ZMYND8: variants seen among roughly 807,000 people sequenced by gnomAD.
ZMYND8 encodes zinc finger MYND-type containing 8.
Under a neutral mutation model 140.8 loss-of-function variants are expected in ZMYND8, and 37 were observed. The ratio of observed to expected loss-of-function variants is 0.26; its 90% CI spans 0.20 to 0.35. The LOEUF (loss-of-function observed/expected upper bound fraction) is 0.35, where lower values mean the gene tolerates loss of function less well. Ranked by LOEUF, ZMYND8 falls within the 10% of genes least tolerant of loss-of-function variation. The probability of loss-of-function intolerance (pLI) is 1.00; values close to 1 mark genes in which losing one functional copy is unlikely to be tolerated. For synonymous variants in ZMYND8, 592 were observed against 597.1 expected, an observed-to-expected ratio of 0.99 and a Z score of 0.12; for missense variants, 1,068 against 1,570.0, an observed-to-expected ratio of 0.68 and a Z score of 5.40.
intron 3 of ZMYND8, among the ~76,000 whole-genome samples, chr20:47,300,481 C>T (rs371483274): frequency 2.0e-5 from 3 of 152,180 alleles, no homozygotes; most frequent in African/African-American, 7.2e-5. Context: ...ATTTACTAAA[C>T]GGTTATCATT....
At chr20:47,332,620 G>C (rs902374360) in intron 2 of ZMYND8, among the ~76,000 whole-genome samples, 1 of 152,136 alleles carries the variant, frequency 6.6e-6, no homozygotes, top group African/African-American at 2.4e-5. Context: ...TGAGATGGGA[G>C]GATTGCTTGA....
intron 2 of ZMYND8, among the ~76,000 whole-genome samples, chr20:47,317,656 G>A (rs1048560484): frequency 1.3e-5 from 2 of 152,172 alleles, no homozygotes; most frequent in South Asian, 4.1e-4. Context: ...ACAGGAGTAG[G>A]GCAACCAACC....
intron 11 of ZMYND8, among the ~76,000 whole-genome samples, chr20:47,265,442 G>GTTTT (rs1032044157): frequency 6.6e-6 from 1 of 151,994 alleles, no homozygotes; most frequent in African/African-American, 2.4e-5. Flanking sequence ...TTGTTTGTTT[G>GTTTT]TTTGTTTGTT....
chr20:47,285,984 A>T (rs773206638), intron 8 of ZMYND8, among the ~76,000 whole-genome samples: 1 of 152,050 alleles, frequency 6.6e-6, no homozygotes, highest in Non-Finnish European at 1.5e-5. Flanking sequence ...TGAGCCCAGG[A>T]GTTTGAGACC....
chr20:47,239,781 A>G (rs1341143902), intron 14 of ZMYND8, among the ~76,000 whole-genome samples: 3 of 152,162 alleles, frequency 2.0e-5, no homozygotes, highest in African/African-American at 7.2e-5. Context: ...CCCCAACGCA[A>G]TGGTACTGAT....
At chr20:47,267,062 TA>T (rs2075580562) in intron 11 of ZMYND8, among the ~76,000 whole-genome samples, 1 of 152,108 alleles carries the variant, frequency 6.6e-6, no homozygotes, top group Non-Finnish European at 1.5e-5. Context: ...TACCGAGCCA[TA>T]AAAGGAATGA....
At chr20:47,316,344 AAAG>A (rs1014186181) in intron 2 of ZMYND8, among the ~76,000 whole-genome samples, 3 of 151,794 alleles carry the variant, frequency 2.0e-5, no homozygotes, top group African/African-American at 7.3e-5. Context: ...AAAAAAAAAA[AAAG>A]GAACCAAGCA....
chr20:47,211,966 TCATGTGC>T (rs1404933103), intron 22 of ZMYND8, among the ~76,000 whole-genome samples: 1 of 152,190 alleles, frequency 6.6e-6, no homozygotes, highest in Non-Finnish European at 1.5e-5. Flanking sequence ...CTCTTCTTAG[TCATGTGC>T]ATCAGTGACC....
intron 6 of ZMYND8, among the ~76,000 whole-genome samples, chr20:47,291,059 TAA>T (rs2077234122): frequency 2.6e-5 from 4 of 152,178 alleles, no homozygotes; most frequent in African/African-American, 9.7e-5. Flanking sequence ...GCTCTTAACT[TAA>T]TTAATATAAA....
chr20:47,267,084 C>T (rs1305435707), intron 11 of ZMYND8, among the ~76,000 whole-genome samples: 1 of 152,184 alleles, frequency 6.6e-6, no homozygotes, highest in Non-Finnish European at 1.5e-5. Context: ...AGTTCTGATA[C>T]GTGCTGCAGT....
chr20:47,215,234 G>A (rs932029438), intron 21 of ZMYND8, among the ~76,000 whole-genome samples: 13 of 152,276 alleles, frequency 8.5e-5, no homozygotes, highest in African/African-American at 2.6e-4. Flanking sequence ...TTAGCTGGGC[G>A]TGGTGGTGTA....
chr20:47,324,267 A>T (rs1170785539), intron 2 of ZMYND8, among the ~76,000 whole-genome samples: 1 of 151,162 alleles, frequency 6.6e-6, no homozygotes, highest in Non-Finnish European at 1.5e-5. Flanking sequence ...CTGTAATCCC[A>T]GCACTTTGGG....
chr20:47,260,856 T>C (rs1252917515), intron 12 of ZMYND8, among the ~76,000 whole-genome samples: 1 of 152,202 alleles, frequency 6.6e-6, no homozygotes, highest in Non-Finnish European at 1.5e-5. Context: ...TTTCCATGCC[T>C]AGAATAGTGC....
intron 2 of ZMYND8, among the ~76,000 whole-genome samples, chr20:47,321,259 C>G (rs981035698): frequency 1.3e-5 from 2 of 152,102 alleles, no homozygotes; most frequent in African/African-American, 4.8e-5. Context: ...AGTACACGCC[C>G]CCATCATCAA....
At chr20:47,272,356 C>T (rs1318122877) in intron 11 of ZMYND8, among the ~76,000 whole-genome samples, 6 of 152,136 alleles carry the variant, frequency 3.9e-5, no homozygotes, top group East Asian at 1.9e-4. Context: ...GGATTACAGA[C>T]GTGAACCACC....
chr20:47,344,493 A>G (rs773965982), intron 2 of ZMYND8, among the ~76,000 whole-genome samples: 1 of 152,208 alleles, frequency 6.6e-6, no homozygotes, highest in Admixed American at 6.5e-5. Context: ...CAAAAACAAG[A>G]AAAGTCTAAG....
In ZMYND8 at chr20:47,291,896, A is replaced by G; in HGVS notation, c.568-8T>C. 1 of 1,609,166 alleles carries G rather than the reference A, an allele frequency of 6.2e-7. No individual in the cohort carries two copies. Among genetic ancestry groups the G allele is most frequent in the Non-Finnish European group, 8.5e-7 (1 of 1,177,502 alleles). On this transcript the variant is annotated splice_polypyrimidine_tract_variant and splice_region_variant and intron_variant, in intron 5 of 22. Coordinates refer to ENST00000471951, the MANE Select transcript of ZMYND8 (RefSeq NM_001281775.3). ...CTTCTGGAATGCATCTGTCTATAAA[A>G]GAGAAGATATGCAGAGGAACGAACC...
intron 14 of ZMYND8, among the ~76,000 whole-genome samples, chr20:47,245,011 T>C (rs147965019): frequency 0.013 from 1,936 of 152,138 alleles, 31 homozygotes; most frequent in African/African-American, 0.044. Context: ...CAGCCGAGAT[T>C]GTACCATTGT....
At chr20:47,287,208 A>G (rs772729674) in intron 8 of ZMYND8, 21 bp downstream of exon 8, 2 of 1,610,724 alleles carry the variant, frequency 1.2e-6, no homozygotes, top group Admixed American at 1.7e-5. Context: ...CATCTAAAAC[A>G]GGACAGTGGG....
Sources: allele counts gnomAD v4.1 joint callset (sites outside exome capture counted in the v4.1 genomes callset), GRCh38; gene constraint gnomAD v4.1.1; transcripts MANE v1.5; gene names NCBI Gene and HGNC (gene_info 2026-07-23, HGNC 2026-07-21).